ZFAND6: variants seen among roughly 807,000 people sequenced by gnomAD.
The protein encoded by ZFAND6 is zinc finger AN1-type containing 6, also known as AN1-type zinc finger protein 6.
ZFAND6 carries 12 observed loss-of-function variants against 24.5 expected under a neutral mutation model. The ratio of observed to expected loss-of-function variants is 0.49; its 90% CI spans 0.31 to 0.79. The LOEUF is 0.79. ZFAND6 is among the 30% of genes least tolerant of loss of function. ZFAND6 has a pLI of 0.04. For missense variants in ZFAND6, 207 were observed against 245.9 expected, an observed-to-expected ratio of 0.84 and a Z score of 1.06; for synonymous variants, 92 against 81.5, an observed-to-expected ratio of 1.13 and a Z score of -0.69.
chr15:80,135,891 A>T (rs971070042), intron 6 of ZFAND6, among the ~76,000 whole-genome samples: 3 of 152,264 alleles, frequency 2.0e-5, no homozygotes, highest in African/African-American at 7.2e-5. Flanking sequence ...TGGGAGGCCA[A>T]GGTGGGAGGA....
intron 1 of ZFAND6, among the ~76,000 whole-genome samples, chr15:80,064,996 CT>C (rs1164477984): frequency 4.7e-5 from 5 of 105,508 alleles, no homozygotes; most frequent in African/African-American, 1.0e-4. Context: ...CTCTCTCTCT[CT>C]CCCCCTTTTT....
At chr15:80,111,949 A>C (rs1018394038) in intron 2 of ZFAND6, among the ~76,000 whole-genome samples, 3 of 152,150 alleles carry the variant, frequency 2.0e-5, no homozygotes, top group Admixed American at 1.3e-4. Flanking sequence ...ATTTTTCAAC[A>C]GAAGAAATCT....
intron 1 of ZFAND6, among the ~76,000 whole-genome samples, chr15:80,091,559 C>T (rs528312493): frequency 2.6e-5 from 4 of 152,238 alleles, no homozygotes; most frequent in African/African-American, 7.2e-5. Flanking sequence ...CTGAAGATTG[C>T]CAGTTTGCCA....
At chr15:80,131,157 T>C in intron 5 of ZFAND6, 23 bp from the exon 6 acceptor site, 1 of 1,515,290 alleles carries the variant, frequency 6.6e-7, no homozygotes. Context: ...AATTAAATTT[T>C]GCCACCTTCG....
chr15:80,099,897 G>T (rs1380755682), intron 2 of ZFAND6, among the ~76,000 whole-genome samples: 1 of 152,148 alleles, frequency 6.6e-6, no homozygotes, highest in African/African-American at 2.4e-5. Context: ...GATGACCAGC[G>T]TGAGCCACCT....
At chr15:80,086,701 A>G (rs1465537608) in intron 1 of ZFAND6, among the ~76,000 whole-genome samples, 2 of 152,250 alleles carry the variant, frequency 1.3e-5, no homozygotes, top group East Asian at 1.9e-4. Context: ...CTGTTTTTAA[A>G]TAGACCATTC....
chr15:80,098,872 T>G (rs938097431), intron 2 of ZFAND6, among the ~76,000 whole-genome samples: 1 of 152,156 alleles, frequency 6.6e-6, no homozygotes, highest in Non-Finnish European at 1.5e-5. Flanking sequence ...AGCAAAAGAT[T>G]GTAATTCTTT....
chr15:80,129,331 T>C (rs1006742033), intron 5 of ZFAND6, among the ~76,000 whole-genome samples: 1 of 152,224 alleles, frequency 6.6e-6, no homozygotes, highest in East Asian at 1.9e-4. Context: ...TAACATGCTA[T>C]AGAGTTTGTC....
intron 2 of ZFAND6, among the ~76,000 whole-genome samples, chr15:80,118,374 G>A (rs531053544): frequency 1.3e-5 from 2 of 152,048 alleles, no homozygotes; most frequent in Non-Finnish European, 1.5e-5. Context: ...CACCGTGCCC[G>A]GCCTCCATCA....
chr15:80,068,048 G>A lies in ZFAND6; in HGVS notation c.-181+8239G>A, dbSNP rs182628242. Among the ~76,000 whole-genome samples, 167 of 149,258 alleles carry A rather than the reference G, an allele frequency of 1.1e-3. 2 individuals are homozygous for A. The highest frequency in any genetic ancestry group is 0.01 in the Admixed American group (152 of 15,040). On this transcript the variant is annotated intron_variant, in intron 1 of 6. Transcript: ENST00000261749. Reference sequence around the variant, plus strand: ...ACAATCTCGGCTCACTGCAACCTCTGCCTCCTGGGTTCAAGTGATTCTCCT... The same window carrying A: ...ACAATCTCGGCTCACTGCAACCTCTACCTCCTGGGTTCAAGTGATTCTCCT...
intron 6 of ZFAND6, among the ~76,000 whole-genome samples, chr15:80,134,972 G>C (rs1395295902): frequency 6.6e-6 from 1 of 152,102 alleles, no homozygotes. Context: ...ACAATTTAGA[G>C]AACAAAAAAG....
At chr15:80,123,125 CTG>C in intron 5 of ZFAND6, 1 of 165,828 alleles carries the variant, frequency 6.0e-6, no homozygotes. Flanking sequence ...TGTAAGAAAA[CTG>C]GGGCTGCTGG....
intron 1 of ZFAND6, among the ~76,000 whole-genome samples, chr15:80,088,921 A>G (rs1320896123): frequency 2.0e-5 from 3 of 151,900 alleles, no homozygotes; most frequent in East Asian, 1.9e-4. Context: ...TTCTTTCCCA[A>G]CATTTGAGGG....
chr15:80,121,518 C>T (rs2040144357), intron 3 of ZFAND6, among the ~76,000 whole-genome samples, 194 bp from the exon 4 acceptor site: 1 of 152,134 alleles, frequency 6.6e-6, no homozygotes, highest in East Asian at 1.9e-4. Flanking sequence ...TGGTTTCCTT[C>T]TTGGTTTAAA....
At chr15:80,112,812 A>G (rs1443920962) in intron 2 of ZFAND6, 1 of 455,982 alleles carries the variant, frequency 2.2e-6, no homozygotes, top group Non-Finnish European at 4.4e-6. Context: ...GAATTACTGT[A>G]TGCAACAGGA....
At chr15:80,087,981 T>G (rs2038105982) in intron 1 of ZFAND6, among the ~76,000 whole-genome samples, 1 of 152,212 alleles carries the variant, frequency 6.6e-6, no homozygotes, top group Non-Finnish European at 1.5e-5. Context: ...TACCCCTACA[T>G]ACTTCAGTAT....
intron 1 of ZFAND6, among the ~76,000 whole-genome samples, chr15:80,066,372 G>T (rs1336397305): frequency 6.6e-6 from 1 of 151,562 alleles, no homozygotes; most frequent in African/African-American, 2.4e-5. Context: ...GAGTGCAGTG[G>T]TGTGGTCTTG....
chr15:80,072,008 G>A (rs967335062), intron 1 of ZFAND6, among the ~76,000 whole-genome samples: 24 of 152,212 alleles, frequency 1.6e-4, no homozygotes, highest in African/African-American at 5.8e-4. Flanking sequence ...ATGTCAGTGA[G>A]TTTGATAGCT....
intron 1 of ZFAND6, among the ~76,000 whole-genome samples, chr15:80,084,745 A>T (rs1218771790): frequency 6.6e-6 from 1 of 152,218 alleles, no homozygotes. Flanking sequence ...TTTTGCTTTT[A>T]CTAACCTGCA....
Sources: gnomAD v4.1 joint callset for allele counts (sites outside exome capture counted in the v4.1 genomes callset) on GRCh38, gnomAD v4.1.1 for gene constraint, MANE v1.5 for transcripts, NCBI Gene and HGNC (gene_info 2026-07-23, HGNC 2026-07-21) for gene names.